The following KAZN variants were observed in gnomAD, a reference collection of about 807,000 sequenced individuals.
KAZN encodes the protein kazrin.
A neutral mutation model predicts 87.4 loss-of-function variants in KAZN; 40 were observed. The ratio of observed to expected loss-of-function variants is 0.46; its 90% CI spans 0.36 to 0.60. The LOEUF is 0.60. KAZN is among the 20% of genes least tolerant of loss of function. The pLI, the probability that KAZN is intolerant of heterozygous loss-of-function variation, is 0.00. For missense variants in KAZN, 898 were observed against 1,073.9 expected (o/e 0.84, Z 2.29); for synonymous variants, 466 against 458.3 (o/e 1.02, Z -0.22).
intron 2 of KAZN, among the ~76,000 whole-genome samples, chr1:14,557,687 G>T (rs1673994563): frequency 1.3e-5 from 2 of 151,066 alleles, no homozygotes; most frequent in South Asian, 4.2e-4. Flanking sequence ...GAGAGAGAGA[G>T]AGAGAGAGAT....
At chr1:14,451,725 G>A (rs765165769) in intron 2 of KAZN, among the ~76,000 whole-genome samples, 29 of 152,060 alleles carry the variant, frequency 1.9e-4, no homozygotes, top group African/African-American at 5.8e-4. Context: ...GAGAGTGGGC[G>A]GTATAGTTCC....
chr1:14,533,282 T>A (rs962417216), intron 2 of KAZN, among the ~76,000 whole-genome samples: 1 of 151,968 alleles, frequency 6.6e-6, no homozygotes, highest in Non-Finnish European at 1.5e-5. Context: ...CATAGAGTAG[T>A]GGGGGGAAAA....
intron 2 of KAZN, among the ~76,000 whole-genome samples, chr1:14,274,601 C>T (rs1652204220): frequency 6.6e-6 from 1 of 152,164 alleles, no homozygotes; most frequent in South Asian, 2.1e-4. Context: ...ACAATTTTGG[C>T]ACAGGTGATC....
chr1:14,185,365 T>C (rs765217836), intron 2 of KAZN, among the ~76,000 whole-genome samples: 2 of 152,168 alleles, frequency 1.3e-5, no homozygotes, highest in South Asian at 4.1e-4. Flanking sequence ...GTAAAAGTCA[T>C]AGGAGAAAGA....
intron 2 of KAZN, among the ~76,000 whole-genome samples, chr1:14,580,813 G>A (rs924529485): frequency 2.0e-5 from 3 of 152,170 alleles, no homozygotes; most frequent in East Asian, 1.9e-4. Context: ...TCGATCATTC[G>A]ATGTCATCAA....
chr1:14,688,589 A>G (rs1641095733), intron 1 of KAZN, among the ~76,000 whole-genome samples: 1 of 152,256 alleles, frequency 6.6e-6, no homozygotes, highest in South Asian at 2.1e-4. Context: ...TGAAGTAAAA[A>G]GTACAAAAGC....
rs184930132 is a variant in KAZN, at chr1:14,934,351, C to T, written c.227-26333C>T. On this transcript the variant is annotated intron_variant, in intron 1 of 14. Transcript: ENST00000376030. ...CCTCCCGAGTAGCTGGGATTACAGG[C>T]GCCTGCCACCACGCCCGGCTAATTT... 4.5e-3 allele frequency among the ~76,000 whole-genome samples: 688 copies of T among 151,834 alleles called. 5 individuals are homozygous for T. The highest frequency in any genetic ancestry group is 7.0e-3 in the Non-Finnish European group (474 of 67,954).
chr1:13,910,845 A>G (rs1306160898), intron 1 of KAZN, among the ~76,000 whole-genome samples: 2 of 152,102 alleles, frequency 1.3e-5, no homozygotes, highest in Non-Finnish European at 2.9e-5. Context: ...GCTATAAAGA[A>G]ATACCTGAGA....
chr1:14,585,727 CA>C (rs1270560801), intron 2 of KAZN, among the ~76,000 whole-genome samples: 1 of 152,184 alleles, frequency 6.6e-6, no homozygotes, highest in African/African-American at 2.4e-5. Context: ...ATGACAAACA[CA>C]AATCCAGTCT....
At position 14,345,753 on chromosome 1, in the gene KAZN, A is replaced by G. The variant is rs76245314; in HGVS notation, c.249+165161A>G. 9.4e-4 allele frequency among the ~76,000 whole-genome samples: 143 copies of G among 152,338 alleles called. No individual in the cohort carries two copies. In the East Asian group the frequency reaches 0.018, roughly 19 times the overall value. ...AATACATGAGTGAATAAGTGGATCA[A>G]TACTCACCAGGTGATGCCGACACTG... is the stretch of plus-strand genomic sequence containing the variant. On this transcript the variant is annotated intron_variant, in intron 2 of 16. Coordinates refer to the KAZN transcript ENST00000636203.
intron 1 of KAZN, among the ~76,000 whole-genome samples, chr1:14,066,567 TG>T (rs1340250842): frequency 6.6e-6 from 1 of 152,212 alleles, no homozygotes; most frequent in Non-Finnish European, 1.5e-5. Context: ...AACATGCTTT[TG>T]GTCCCTTAAC....
At chr1:14,510,529 A>G (rs1210077432) in intron 2 of KAZN, among the ~76,000 whole-genome samples, 1 of 152,224 alleles carries the variant, frequency 6.6e-6, no homozygotes, top group East Asian at 1.9e-4. Context: ...TTAACTGTGT[A>G]TCCTGTACTT....
At chr1:14,178,675 G>A (rs114308280) in intron 1 of KAZN, among the ~76,000 whole-genome samples, 56 of 152,194 alleles carry the variant, frequency 3.7e-4, no homozygotes, top group Non-Finnish European at 7.5e-4. Flanking sequence ...GTTTGTTTCT[G>A]TATACTGATT....
At chr1:14,432,509 A>T (rs1266623888) in intron 2 of KAZN, among the ~76,000 whole-genome samples, 1 of 152,052 alleles carries the variant, frequency 6.6e-6, no homozygotes, top group African/African-American at 2.4e-5. Context: ...GTCCTTTAGT[A>T]CTTGACGAAT....
At chr1:14,790,849 T>C (rs1461185980) in intron 1 of KAZN, among the ~76,000 whole-genome samples, 1 of 152,176 alleles carries the variant, frequency 6.6e-6, no homozygotes, top group East Asian at 1.9e-4. Context: ...TGCACCACTA[T>C]GCCAACTAAC....
At chr1:14,988,171 C>G (rs1045983047) in intron 2 of KAZN, among the ~76,000 whole-genome samples, 6 of 152,214 alleles carry the variant, frequency 3.9e-5, no homozygotes, top group Admixed American at 3.9e-4. Flanking sequence ...GTGAGGCTCT[C>G]CCTTGAGAGG....
intron 1 of KAZN, among the ~76,000 whole-genome samples, chr1:14,613,801 A>G (rs968519204): frequency 7.9e-5 from 12 of 152,174 alleles, no homozygotes; most frequent in Non-Finnish European, 1.6e-4. Flanking sequence ...GTGCTGAACA[A>G]TGTCAGGTGC....
chr1:13,970,742 A>C (rs897253447), intron 1 of KAZN, among the ~76,000 whole-genome samples: 7 of 152,190 alleles, frequency 4.6e-5, no homozygotes, highest in African/African-American at 9.6e-5. Context: ...TTGGGAGACT[A>C]TAGGCTTTCT....
At chr1:14,095,278 T>A (rs1644102960) in intron 1 of KAZN, among the ~76,000 whole-genome samples, 1 of 152,202 alleles carries the variant, frequency 6.6e-6, no homozygotes, top group South Asian at 2.1e-4. Context: ...GTATATGCCG[T>A]GGAGAGGAAT....
Sources: allele counts gnomAD v4.1 joint callset (sites outside exome capture counted in the v4.1 genomes callset), GRCh38; gene constraint gnomAD v4.1.1; transcripts MANE v1.5; gene names NCBI Gene and HGNC (gene_info 2026-07-23, HGNC 2026-07-21).